The following ARHGEF10 variants were observed in gnomAD, a reference collection of about 807,000 sequenced individuals.
The protein encoded by ARHGEF10 is Rho guanine nucleotide exchange factor (GEF) 10.
ARHGEF10 carries 140 observed loss-of-function variants against 147.4 expected under a neutral mutation model. That is an observed-to-expected ratio of 0.95 (90% CI 0.83 to 1.09). The LOEUF is 1.09. Among genes scored for constraint, ARHGEF10 ranks in the 50% least tolerant of loss-of-function variants. ARHGEF10 has a pLI of 0.00. For missense variants in ARHGEF10, 2,222 were observed against 1,752.7 expected, an observed-to-expected ratio of 1.27 and a Z score of -4.78; for synonymous variants, 902 against 695.8, an observed-to-expected ratio of 1.30 and a Z score of -4.67.
chr8:1,884,675 A>G (rs1229886742), intron 10 of ARHGEF10, among the ~76,000 whole-genome samples: 2 of 152,204 alleles, frequency 1.3e-5, no homozygotes, highest in African/African-American at 2.4e-5. Flanking sequence ...TCAGGTTTCT[A>G]TCATCTAAAA....
intron 17 of ARHGEF10, among the ~76,000 whole-genome samples, chr8:1,908,428 G>A (rs573180505): frequency 6.6e-6 from 1 of 151,902 alleles, no homozygotes; most frequent in Non-Finnish European, 1.5e-5. Context: ...GAGATGGGGT[G>A]TCACTGTGTT....
At chr8:1,927,723 G>A (rs1274204247) in intron 23 of ARHGEF10, among the ~76,000 whole-genome samples, 1 of 152,146 alleles carries the variant, frequency 6.6e-6, no homozygotes, top group Non-Finnish European at 1.5e-5. Context: ...GACCAGCCTG[G>A]CCAAACATAG....
At chr8:1,855,576 G>C (rs1483762962) in intron 2 of ARHGEF10, among the ~76,000 whole-genome samples, 2 of 150,608 alleles carry the variant, frequency 1.3e-5, no homozygotes, top group Non-Finnish European at 3.0e-5. Flanking sequence ...TTTTTTAAGA[G>C]ACGGGGTTTC....
intron 28 of ARHGEF10, 90 bp from the exon 29 acceptor site, chr8:1,956,659 T>C (rs2129297862): frequency 2.9e-6 from 4 of 1,387,492 alleles, no homozygotes; most frequent in Middle Eastern, 1.8e-4. Context: ...CAGGGAGGAA[T>C]GCGTTGGGGT....
At chr8:1,951,639 T>C (rs1463098938) in intron 27 of ARHGEF10, among the ~76,000 whole-genome samples, 1 of 152,188 alleles carries the variant, frequency 6.6e-6, no homozygotes, top group Non-Finnish European at 1.5e-5. Flanking sequence ...AGCTTTTATA[T>C]CTACAGAAAA....
chr8:1,906,834 A>C (rs1585486276), intron 17 of ARHGEF10, among the ~76,000 whole-genome samples: 1 of 152,380 alleles, frequency 6.6e-6, no homozygotes, highest in East Asian at 1.9e-4. Flanking sequence ...ACTGCCTGCG[A>C]GGGACAGGTT....
intron 18 of ARHGEF10, among the ~76,000 whole-genome samples, chr8:1,916,234 C>T (rs938662421): frequency 9.2e-5 from 14 of 152,186 alleles, no homozygotes; most frequent in African/African-American, 2.9e-4. Flanking sequence ...CGGAAAGGTG[C>T]GCATGCAGGA....
intron 28 of ARHGEF10, 134 bp downstream of exon 28, chr8:1,952,961 A>C: frequency 7.8e-7 from 1 of 1,288,750 alleles, no homozygotes; most frequent in Non-Finnish European, 1.1e-6. Context: ...AGTGTATTAT[A>C]ATGACTTAAT....
intron 26 of ARHGEF10, among the ~76,000 whole-genome samples, chr8:1,941,872 C>T (rs1814123085): frequency 6.6e-6 from 1 of 150,864 alleles, no homozygotes; most frequent in African/African-American, 2.5e-5. Flanking sequence ...TCAACAGGTG[C>T]TGCTGGCACA....
rs1815629383 is a variant in ARHGEF10, at chr8:1,957,003, T to C, written c.3775T>C (p.Ser1259Pro). The C allele has an allele frequency of 1.9e-6, 3 of 1,614,118 alleles. No homozygotes were observed. The highest frequency in any genetic ancestry group is 1.7e-6 in the Non-Finnish European group (2 of 1,180,044). The change falls in exon 29 of 29, where the codon TCA becomes CCA. Residue 1259 changes from serine (S) to proline (P), a missense_variant. Transcript: ENST00000349830. ...GACTCAGAAAAGCGACCTGTCCTCC[T>C]CATCTGGGTCCCTGAGCTTGTCTCA... The part of the protein sequence containing the change: ...SMTQKSDLSS[S>P]SGSLSLSHGS...
intron 2 of ARHGEF10, among the ~76,000 whole-genome samples, chr8:1,844,789 G>A (rs551822457): frequency 3.9e-5 from 6 of 152,142 alleles, no homozygotes; most frequent in Non-Finnish European, 8.8e-5. Context: ...AAATGAGGTC[G>A]GGCACCTCAG....
At chr8:1,874,780 G>GC in intron 7 of ARHGEF10, among the ~76,000 whole-genome samples, 3 of 148,488 alleles carry the variant, frequency 2.0e-5, no homozygotes, top group Non-Finnish European at 3.0e-5. Flanking sequence ...ACACACCAGG[G>GC]CGTGTAGGGG....
chr8:1,889,761 T>TC (rs777136209), intron 11 of ARHGEF10, among the ~76,000 whole-genome samples: 1 of 52,898 alleles, frequency 1.9e-5, no homozygotes. Context: ...GGGATGAGGG[T>TC]TGTGAGGAGA....
intron 28 of ARHGEF10, among the ~76,000 whole-genome samples, chr8:1,953,827 A>C (rs1016042530): frequency 2.0e-4 from 30 of 152,044 alleles, no homozygotes; most frequent in African/African-American, 6.3e-4. Context: ...GTGGGTTACT[A>C]TGTCAGCCAG....
At chr8:1,864,985 G>T (rs529848581) in intron 5 of ARHGEF10, among the ~76,000 whole-genome samples, 1 of 152,320 alleles carries the variant, frequency 6.6e-6, no homozygotes, top group East Asian at 1.9e-4. Flanking sequence ...TTGAAAATAG[G>T]AATTATTTTG....
At chr8:1,934,100 C>T (rs1211929110) in intron 26 of ARHGEF10, among the ~76,000 whole-genome samples, 158 bp downstream of exon 26, 1 of 152,126 alleles carries the variant, frequency 6.6e-6, no homozygotes, top group Non-Finnish European at 1.5e-5. Flanking sequence ...TCTGGGAGGC[C>T]AAGGTTGGAG....
At chr8:1,942,533 G>T (rs1814187072) in intron 26 of ARHGEF10, among the ~76,000 whole-genome samples, 1 of 152,094 alleles carries the variant, frequency 6.6e-6, no homozygotes. Context: ...TTTCTGAGAA[G>T]ACAGTTTGTG....
At chr8:1,844,005 C>T (rs574956913) in intron 2 of ARHGEF10, among the ~76,000 whole-genome samples, 2 of 152,350 alleles carry the variant, frequency 1.3e-5, no homozygotes, top group South Asian at 2.1e-4. Context: ...GCGCTCCGGC[C>T]AGTGGAGAAG....
At position 1,824,088 on chromosome 8, in the gene ARHGEF10, C is replaced by G. The variant is rs986812574; in HGVS notation, c.-73C>G. 2 of 151,898 alleles carry G rather than the reference C, an allele frequency of 1.3e-5. No homozygotes were observed. 9.4% of individuals were successfully genotyped at this position (151,898 alleles called of 1,614,324 possible). On this transcript the variant is annotated 5_prime_UTR_variant, in exon 1 of 29. Coordinates refer to ENST00000349830, the MANE Select transcript of ARHGEF10 (RefSeq NM_014629.4). ...GGGGACGGCGGGGAACAGCAGGGGACTGCGGGTCGCGTCCTGGCCGCCGAG... is the reference window on the plus strand; with the variant it reads ...GGGGACGGCGGGGAACAGCAGGGGAGTGCGGGTCGCGTCCTGGCCGCCGAG...
Sources: gnomAD v4.1 joint callset for allele counts (sites outside exome capture counted in the v4.1 genomes callset) on GRCh38, gnomAD v4.1.1 for gene constraint, MANE v1.5 for transcripts, NCBI Gene and HGNC (gene_info 2026-07-23, HGNC 2026-07-21) for gene names.